Variants in EIF2B5 observed in about 807,000 individuals in gnomAD.
EIF2B5 encodes eukaryotic translation initiation factor 2B subunit epsilon.
Under a neutral mutation model 87.3 loss-of-function variants are expected in EIF2B5, and 38 were observed. That is an observed-to-expected ratio of 0.44 (90% CI 0.34 to 0.57). The LOEUF is 0.57. Ranked by LOEUF, EIF2B5 falls within the 20% of genes least tolerant of loss-of-function variation. EIF2B5 has a pLI of 0.02. For missense variants in EIF2B5, 784 were observed against 909.5 expected, an observed-to-expected ratio of 0.86 and a Z score of 1.78; for synonymous variants, 313 against 339.6, an observed-to-expected ratio of 0.92 and a Z score of 0.86.
intron 1 of EIF2B5, chr3:184,135,943 G>C (rs769209567): frequency 3.2e-6 from 1 of 317,140 alleles, no homozygotes; most frequent in South Asian, 4.0e-5. Context: ...TTTTGCCTCT[G>C]AAAGGGCGGT....
chr3:184,140,731 G>A lies in EIF2B5; in HGVS notation c.1156+1G>A. On this transcript the variant is annotated splice_donor_variant, in intron 7 of 15. Transcript: ENST00000648915. LOFTEE classifies it high-confidence loss of function. ...GTCATTGGCCCCGGCTGCCACATTG[G>A]TGAGCACAGGTGGGGAATCAAGCCA... is the stretch of plus-strand genomic sequence containing the variant. 1 of 1,613,966 alleles carries A rather than the reference G, an allele frequency of 6.2e-7. No individual in the cohort carries two copies. Among genetic ancestry groups the A allele is most frequent in the Non-Finnish European group, 8.5e-7 (1 of 1,180,040 alleles).
At chr3:184,140,394 G>T in intron 6 of EIF2B5, 24 bp from the exon 7 acceptor site, 1 of 1,613,446 alleles carries the variant, frequency 6.2e-7, no homozygotes, top group South Asian at 1.1e-5. Context: ...TTGCTTAGGT[G>T]ACCTCCCTTT....
chr3:184,140,714 C>G lies in EIF2B5; in HGVS notation c.1140C>G (p.Gly380=), dbSNP rs1412484086. ...SNCFITNSVI[G]PGCHIGDNVV... ...GCTTTATCACCAACAGTGTCATTGG[C>G]CCCGGCTGCCACATTGGTGAGCACA... Residue 380 remains glycine, a synonymous_variant, in exon 7 of 16, where the codon GGC becomes GGG. Coordinates refer to ENST00000648915, the MANE Select transcript of EIF2B5 (RefSeq NM_003907.3). 1.9e-6 allele frequency: 3 copies of G among 1,613,988 alleles called. No individual in the cohort carries two copies. The Admixed American group carries it at 5.0e-5, about 27-fold the overall frequency.
intron 7 of EIF2B5, among the ~76,000 whole-genome samples, chr3:184,141,462 G>A (rs543807571): frequency 2.6e-5 from 4 of 152,234 alleles, no homozygotes; most frequent in East Asian, 1.9e-4. Context: ...TCAGCTATTC[G>A]GGAGGCTGAG....
intron 5 of EIF2B5, among the ~76,000 whole-genome samples, chr3:184,138,632 G>A (rs1036866093): frequency 1.3e-5 from 2 of 151,426 alleles, no homozygotes; most frequent in Non-Finnish European, 2.9e-5. Flanking sequence ...TGGGATTACA[G>A]GCATGAGCCA....
Position 184,140,407 on chromosome 3 carries a change from T to C in EIF2B5, c.844-11T>C, listed in dbSNP as rs1314936992. The C allele has an allele frequency of 1.9e-6, 3 of 1,614,112 alleles. No individual in the cohort carries two copies. In the Admixed American group the frequency reaches 5.0e-5, roughly 27 times the overall value. ...TCTTGCTTAGGTGACCTCCCTTTCCTTCTCATTCAGATCCTAGGGAACCAG... is the reference window on the plus strand; with the variant it reads ...TCTTGCTTAGGTGACCTCCCTTTCCCTCTCATTCAGATCCTAGGGAACCAG... On this transcript the variant is annotated splice_polypyrimidine_tract_variant and intron_variant, in intron 6 of 15. Transcript: ENST00000648915.
chr3:184,136,205 T>A (rs1171438838), intron 1 of EIF2B5, among the ~76,000 whole-genome samples: 3 of 152,230 alleles, frequency 2.0e-5, no homozygotes, highest in Admixed American at 2.0e-4. Flanking sequence ...GCCTAATGGC[T>A]GTTCATTTTT....
intron 6 of EIF2B5, 66 bp from the exon 7 acceptor site, chr3:184,140,352 A>G: frequency 6.4e-7 from 1 of 1,565,660 alleles, no homozygotes; most frequent in South Asian, 1.1e-5. Context: ...GGATTAGAAA[A>G]GTTGTACTTG....
chr3:184,144,650 C>T lies in EIF2B5; in HGVS notation c.2049C>T (p.Ser683=). The change falls in exon 15 of 16, where the codon AGC becomes AGT. Residue 683 remains serine (S), a synonymous_variant. Coordinates refer to ENST00000648915, the MANE Select transcript of EIF2B5 (RefSeq NM_003907.3). The stretch of plus-strand genomic sequence containing the variant: ...TCCTGGCTGAGGAAACAATTCTGAG[C>T]TGGTTCAGCCAAAGAGATACAACTG... ...LEILAEETIL[S]WFSQRDTTDK... 6.2e-7 allele frequency: 1 copy of T among 1,614,112 alleles called. No individual in the cohort carries two copies. The highest frequency in any genetic ancestry group is 8.5e-7 in the Non-Finnish European group (1 of 1,180,020).
Position 184,142,655 on chromosome 3 carries a change from AG to A in EIF2B5, c.1546+54del. 2 of 1,579,312 alleles carry A rather than the reference AG, an allele frequency of 1.3e-6. No individual in the cohort carries two copies. Among genetic ancestry groups the A allele is most frequent in the Non-Finnish European group, 1.7e-6 (2 of 1,158,372 alleles). On this transcript the variant is annotated intron_variant, in intron 10 of 15. Transcript: ENST00000648915. This position sits in a 1 kb window ranked among gnomAD's most constrained non-coding sequence, Gnocchi z 5.0. ...CTCCTCCTGAATCGGAATATTTTGA[AG>A]GATAATGAATACTTCAGAGTCACAT... is the stretch of plus-strand genomic sequence containing the variant.
At chr3:184,137,211 G>C (rs1713403901) in intron 2 of EIF2B5, 1 of 351,068 alleles carries the variant, frequency 2.8e-6, no homozygotes, top group South Asian at 2.5e-5. Flanking sequence ...CATTGCTTAT[G>C]GAAGTCCAGG....
chr3:184,140,361 T>C, intron 6 of EIF2B5, 57 bp from the exon 7 acceptor site: 1 of 1,585,726 alleles, frequency 6.3e-7, no homozygotes, highest in East Asian at 2.2e-5. Context: ...AAGTTGTACT[T>C]GGGGGCATTC....
In EIF2B5 at chr3:184,144,934, A is replaced by C. The variant is rs1713802566; in HGVS notation, c.2157A>C (p.Glu719Asp). ...AAGAGGCAGAAGAGGAGTCATCTGA[A>C]GATGACTGAAGTCACACTGCCTGCT... The part of the protein sequence containing the change: ...WLKEAEEESS[E>D]DD The change falls in exon 16 of 16, where the codon GAA (glutamate) becomes GAC (aspartate). Residue 719 changes from glutamate to aspartate, a missense_variant. Physicochemically the swap from Glu to Asp is conservative, Grantham distance 45 (BLOSUM62 2). Transcript: ENST00000648915. 1 of 1,613,502 alleles carries C rather than the reference A, an allele frequency of 6.2e-7. No homozygotes were observed.
At chr3:184,143,188 G>A (rs377226638) in intron 12 of EIF2B5, 46 bp downstream of exon 12, 67 of 1,594,632 alleles carry the variant, frequency 4.2e-5, no homozygotes, top group Middle Eastern at 1.7e-4. Context: ...TCCCGGGAAG[G>A]TAGAGGCTTT....
Position 184,142,681 on chromosome 3 carries a change from T to C in EIF2B5, c.1546+78T>C. The stretch of plus-strand genomic sequence containing the variant: ...GGATAATGAATACTTCAGAGTCACA[T>C]TACTTATTCACTCCTTTATTCAGGC... On this transcript the variant is annotated intron_variant, in intron 10 of 15. Coordinates refer to ENST00000648915, the MANE Select transcript of EIF2B5 (RefSeq NM_003907.3). This position sits in a 1 kb window ranked among gnomAD's most constrained non-coding sequence, Gnocchi z 5.0. The C allele has an allele frequency of 1.3e-6, 2 of 1,552,684 alleles. No homozygotes were observed. The highest frequency in any genetic ancestry group is 2.3e-5 in the South Asian group (2 of 86,478).
chr3:184,142,977 A>G lies in EIF2B5; in HGVS notation c.1655-75A>G, dbSNP rs565821667. 3.1e-4 allele frequency: 489 copies of G among 1,576,222 alleles called. 9 individuals are homozygous for G. The South Asian group carries it at 5.3e-3, about 17-fold the overall frequency. ...TTACGTTCCTCAGAAAGGGTTTGGTATCGAGTCAAGACTAGATGACTTAGA... is the reference window on the plus strand; with the variant it reads ...TTACGTTCCTCAGAAAGGGTTTGGTGTCGAGTCAAGACTAGATGACTTAGA... On this transcript the variant is annotated intron_variant, in intron 11 of 15. Coordinates refer to ENST00000648915, the MANE Select transcript of EIF2B5 (RefSeq NM_003907.3). This position sits in a 1 kb window ranked among gnomAD's most constrained non-coding sequence, Gnocchi z 5.0.
At chr3:184,144,514 G>T in intron 14 of EIF2B5, 83 bp from the exon 15 acceptor site, 1 of 1,270,282 alleles carries the variant, frequency 7.9e-7, no homozygotes, top group Non-Finnish European at 1.1e-6. Context: ...GCTACTCAGT[G>T]CATAGAGGGA....
intron 7 of EIF2B5, among the ~76,000 whole-genome samples, chr3:184,141,635 G>A (rs1425588654): frequency 2.0e-5 from 3 of 152,136 alleles, no homozygotes; most frequent in Non-Finnish European, 4.4e-5. Flanking sequence ...TCTGCTTGTA[G>A]GCGTGGATAT....
At chr3:184,143,962 A>G in intron 13 of EIF2B5, 137 bp from the exon 14 acceptor site, 1 of 1,342,050 alleles carries the variant, frequency 7.5e-7, no homozygotes, top group Non-Finnish European at 1.1e-6. Context: ...ACAACTCCCA[A>G]GTCCCTCTGA....
Sources: gnomAD v4.1 joint callset for allele counts (sites outside exome capture counted in the v4.1 genomes callset) on GRCh38, gnomAD v4.1.1 for gene constraint, Gnocchi (gnomAD v3.1) non-coding constraint, MANE v1.5 for transcripts, NCBI Gene and HGNC (gene_info 2026-07-23, HGNC 2026-07-21) for gene names.